TAB2: variants seen among roughly 807,000 people sequenced by gnomAD.
TAB2 encodes the protein TGF-beta activated kinase 1 (MAP3K7) binding protein 2, also known as TGF-beta-activated kinase 1 and MAP3K7-binding protein 2.
In TAB2, 3 loss-of-function variants were observed where a neutral mutation model predicts 65.0. The ratio of observed to expected loss-of-function variants is 0.05; its 90% CI spans 0.02 to 0.12. TAB2 has a LOEUF of 0.12. TAB2 is among the 10% of genes least tolerant of loss of function. The pLI, the probability that TAB2 is intolerant of heterozygous loss-of-function variation, is 1.00. For missense variants in TAB2, 623 were observed against 840.3 expected (o/e 0.74, Z 3.20); for synonymous variants, 298 against 285.1 (o/e 1.05, Z -0.46).
intron 1 of TAB2, among the ~76,000 whole-genome samples, chr6:149,289,379 G>A (rs1778733639): frequency 7.2e-6 from 1 of 138,888 alleles, no homozygotes; most frequent in Non-Finnish European, 1.5e-5. Flanking sequence ...GAGTGACATA[G>A]CAAGACCCTG....
chr6:149,227,012 G>A (rs1454753970), intron 1 of TAB2, among the ~76,000 whole-genome samples: 3 of 152,120 alleles, frequency 2.0e-5, no homozygotes, highest in African/African-American at 4.8e-5. Flanking sequence ...AATCCCTGTG[G>A]AAAACTCCAG....
chr6:149,248,455 A>G (rs138919521), intron 1 of TAB2, among the ~76,000 whole-genome samples: 295 of 56,302 alleles, frequency 5.2e-3, no homozygotes, highest in African/African-American at 0.015. Context: ...AAGGAAGAAA[A>G]GAAGGAAGGA....
chr6:149,390,782 G>T (rs550049426), intron 3 of TAB2, among the ~76,000 whole-genome samples: 1 of 152,206 alleles, frequency 6.6e-6, no homozygotes, highest in East Asian at 1.9e-4. Context: ...TTTGAAAGAG[G>T]ATTTAAAAGA....
intron 1 of TAB2, among the ~76,000 whole-genome samples, chr6:149,363,219 T>C (rs537302696): frequency 5.9e-5 from 9 of 152,200 alleles, no homozygotes; most frequent in African/African-American, 2.2e-4. Flanking sequence ...GGTGTATATA[T>C]ATATATGGGG....
At chr6:149,260,039 C>T (rs1778119767) in intron 1 of TAB2, among the ~76,000 whole-genome samples, 1 of 152,222 alleles carries the variant, frequency 6.6e-6, no homozygotes, top group Non-Finnish European at 1.5e-5. Flanking sequence ...TCTCAATCAT[C>T]CCCAAGAGGA....
At chr6:149,337,895 A>C (rs1228435858) in intron 1 of TAB2, among the ~76,000 whole-genome samples, 1 of 152,132 alleles carries the variant, frequency 6.6e-6, no homozygotes, top group East Asian at 1.9e-4. Context: ...ATTGCAGGAG[A>C]TATTGGAAAG....
intron 1 of TAB2, among the ~76,000 whole-genome samples, chr6:149,272,299 A>C (rs2114676804): frequency 6.6e-6 from 1 of 152,330 alleles, no homozygotes; most frequent in East Asian, 1.9e-4. Flanking sequence ...CTTTGGTTCT[A>C]ACAAATTAGC....
chr6:149,340,454 C>T (rs1173613080), intron 1 of TAB2, among the ~76,000 whole-genome samples: 1 of 151,778 alleles, frequency 6.6e-6, no homozygotes, highest in African/African-American at 2.4e-5. Context: ...ATTGGAGTTT[C>T]GATGAGTAAA....
chr6:149,356,679 A>C (rs994079493), intron 1 of TAB2, among the ~76,000 whole-genome samples: 2 of 152,138 alleles, frequency 1.3e-5, no homozygotes, highest in Non-Finnish European at 2.9e-5. Flanking sequence ...ATCTTGGGGG[A>C]TAGGATGTCA....
intron 1 of TAB2, among the ~76,000 whole-genome samples, chr6:149,305,359 C>T (rs1449279437): frequency 1.3e-5 from 2 of 152,134 alleles, no homozygotes; most frequent in African/African-American, 4.8e-5. Context: ...TTACTGGGCT[C>T]ACCACAAGCT....
At chr6:149,241,756 C>T (rs1429284221) in intron 1 of TAB2, among the ~76,000 whole-genome samples, 2 of 152,154 alleles carry the variant, frequency 1.3e-5, no homozygotes, top group African/African-American at 4.8e-5. Flanking sequence ...TAGCTCAAGC[C>T]AAAGCATTAG....
intron 2 of TAB2, among the ~76,000 whole-genome samples, chr6:149,371,065 C>CAA (rs33926884): frequency 0.015 from 1,074 of 71,534 alleles, 45 homozygotes; most frequent in African/African-American, 0.022. Flanking sequence ...GACCCTATCT[C>CAA]AAAAAAAAAA....
At chr6:149,306,667 G>T (rs1479775722) in intron 1 of TAB2, among the ~76,000 whole-genome samples, 3 of 152,018 alleles carry the variant, frequency 2.0e-5, no homozygotes, top group Non-Finnish European at 2.9e-5. Context: ...CAGGAGAATC[G>T]CTTGAACCCG....
chr6:149,330,993 C>T (rs1368243428), intron 1 of TAB2, among the ~76,000 whole-genome samples: 1 of 152,108 alleles, frequency 6.6e-6, no homozygotes, highest in Admixed American at 6.6e-5. Flanking sequence ...GCCTGTCCCT[C>T]CACCACTACC....
At chr6:149,287,881 C>T (rs1195785344) in intron 1 of TAB2, among the ~76,000 whole-genome samples, 2 of 152,166 alleles carry the variant, frequency 1.3e-5, no homozygotes, top group Non-Finnish European at 2.9e-5. Flanking sequence ...AAGCATTAAT[C>T]TCAATATGGC....
intron 1 of TAB2, among the ~76,000 whole-genome samples, chr6:149,284,192 C>T (rs1205180757): frequency 6.6e-6 from 1 of 152,160 alleles, no homozygotes; most frequent in African/African-American, 2.4e-5. Flanking sequence ...CTCTGCATCA[C>T]CACGGGCTTT....
intron 1 of TAB2, among the ~76,000 whole-genome samples, chr6:149,261,250 T>C (rs1445478160): frequency 6.6e-6 from 1 of 152,186 alleles, no homozygotes; most frequent in Non-Finnish European, 1.5e-5. Flanking sequence ...ACATCCAACA[T>C]CTCTTCTATA....
At chr6:149,267,669 C>T (rs1778288496) in intron 1 of TAB2, among the ~76,000 whole-genome samples, 1 of 152,016 alleles carries the variant, frequency 6.6e-6, no homozygotes, top group South Asian at 2.1e-4. Flanking sequence ...GTGATTTCAT[C>T]GTTGTGCGGA....
chr6:149,296,914 T>G (rs556268119), intron 1 of TAB2, among the ~76,000 whole-genome samples: 1 of 152,228 alleles, frequency 6.6e-6, no homozygotes, highest in African/African-American at 2.4e-5. Flanking sequence ...ATATCTTCTA[T>G]TTTTTCCCTC....
Sources: gnomAD v4.1 joint callset for allele counts (sites outside exome capture counted in the v4.1 genomes callset) on GRCh38, gnomAD v4.1.1 for gene constraint, MANE v1.5 for transcripts, NCBI Gene and HGNC (gene_info 2026-07-23, HGNC 2026-07-21) for gene names.